GPM6A: variants seen among roughly 807,000 people sequenced by gnomAD.
The protein encoded by GPM6A is glycoprotein M6A.
Under a neutral mutation model 32.1 loss-of-function variants are expected in GPM6A, and 7 were observed. The ratio of observed to expected loss-of-function variants is 0.22; its 90% CI spans 0.12 to 0.41. The LOEUF (loss-of-function observed/expected upper bound fraction) is 0.41. Among genes scored for constraint, GPM6A ranks in the 10% least tolerant of loss-of-function variants. The pLI is 1.00. For synonymous variants in GPM6A, 130 were observed against 123.4 expected (o/e 1.05, Z -0.35); for missense variants, 235 against 347.2 (o/e 0.68, Z 2.57).
At chr4:175,900,621 A>G (rs1737933509) in intron 1 of GPM6A, among the ~76,000 whole-genome samples, 1 of 152,182 alleles carries the variant, frequency 6.6e-6, no homozygotes, top group East Asian at 1.9e-4. Context: ...ATAGGCAATA[A>G]CAAATGCTGG....
intron 1 of GPM6A, among the ~76,000 whole-genome samples, chr4:175,835,001 C>A (rs1735720678): frequency 6.6e-6 from 1 of 152,288 alleles, no homozygotes; most frequent in Non-Finnish European, 1.5e-5. Context: ...ATCTTTTCTC[C>A]AGCTTCTCCT....
intron 2 of GPM6A, among the ~76,000 whole-genome samples, chr4:175,675,890 G>T (rs1031603022): frequency 4.0e-5 from 6 of 151,876 alleles, no homozygotes; most frequent in African/African-American, 1.5e-4. Flanking sequence ...TGAACTCCTG[G>T]GCTCAAAGGG....
rs542328357 is a variant in GPM6A at position 175,843,702 on chromosome 4, G to C, written c.-22-31453C>G. On this transcript the variant is annotated intron_variant, in intron 1 of 7. Transcript: ENST00000280187. The stretch of plus-strand genomic sequence containing the variant: ...TTGAAAATCTTAATTTTTGTACAAG[G>C]GTCCCACATTTTCATTTTATACTGA... Among the ~76,000 whole-genome samples the C allele has an allele frequency of 3.3e-5, 5 of 152,136 alleles. No homozygotes were observed. The South Asian group carries it at 8.3e-4, about 25-fold the overall frequency.
At chr4:175,869,394 A>G (rs182723791) in intron 1 of GPM6A, among the ~76,000 whole-genome samples, 2 of 152,316 alleles carry the variant, frequency 1.3e-5, no homozygotes, top group Admixed American at 1.3e-4. Flanking sequence ...CAAAATAAAA[A>G]GGGAGCACAT....
chr4:175,823,476 C>T (rs1044701030), intron 1 of GPM6A, among the ~76,000 whole-genome samples: 2 of 152,084 alleles, frequency 1.3e-5, no homozygotes, highest in African/African-American at 4.8e-5. Flanking sequence ...AAGAAAAAGA[C>T]AGACAAGGGG....
At chr4:175,782,997 A>G (rs1040810741) in intron 1 of GPM6A, among the ~76,000 whole-genome samples, 1 of 152,028 alleles carries the variant, frequency 6.6e-6, no homozygotes, top group African/African-American at 2.4e-5. Flanking sequence ...GCAATGATGG[A>G]GCAAAACTCA....
At chr4:175,880,950 C>T (rs1255447748) in intron 1 of GPM6A, among the ~76,000 whole-genome samples, 1 of 152,020 alleles carries the variant, frequency 6.6e-6, no homozygotes, top group Non-Finnish European at 1.5e-5. Flanking sequence ...CAGAGGGCAT[C>T]CCCGTCTTGT....
At chr4:175,965,121 C>T (rs375663320) in intron 1 of GPM6A, among the ~76,000 whole-genome samples, 2 of 152,276 alleles carry the variant, frequency 1.3e-5, no homozygotes, top group African/African-American at 4.8e-5. Flanking sequence ...ACCCATTCTT[C>T]TCAATCTCAC....
chr4:175,992,284 T>C (rs1006480595), intron 1 of GPM6A, among the ~76,000 whole-genome samples: 1 of 152,190 alleles, frequency 6.6e-6, no homozygotes, highest in Non-Finnish European at 1.5e-5. Context: ...TTGGTATTTA[T>C]TTTGTTTCCA....
intron 1 of GPM6A, among the ~76,000 whole-genome samples, chr4:175,956,817 G>A (rs1740001706): frequency 6.6e-6 from 1 of 152,142 alleles, no homozygotes; most frequent in Non-Finnish European, 1.5e-5. Flanking sequence ...TTTTTAAATA[G>A]AGTTGGAGAA....
chr4:175,983,173 G>A (rs896828015), intron 1 of GPM6A, among the ~76,000 whole-genome samples: 1 of 152,200 alleles, frequency 6.6e-6, no homozygotes, highest in African/African-American at 2.4e-5. Flanking sequence ...TATGAGGACA[G>A]ATAATCTATA....
At chr4:175,727,912 G>A (rs982842280) in intron 1 of GPM6A, among the ~76,000 whole-genome samples, 1 of 151,004 alleles carries the variant, frequency 6.6e-6, no homozygotes, top group Non-Finnish European at 1.5e-5. Context: ...GCTGAGGCAG[G>A]AGAATTGCTG....
intron 1 of GPM6A, among the ~76,000 whole-genome samples, chr4:175,983,484 C>T (rs546334633): frequency 6.6e-6 from 1 of 152,218 alleles, no homozygotes; most frequent in Non-Finnish European, 1.5e-5. Context: ...AGAAATTTAT[C>T]GTGAATGGAT....
chr4:175,782,484 A>T (rs1733648532), intron 1 of GPM6A, among the ~76,000 whole-genome samples: 1 of 152,112 alleles, frequency 6.6e-6, no homozygotes, highest in African/African-American at 2.4e-5. Context: ...TCCTCCCCTT[A>T]CATATCTCTA....
Position 175,983,810 on chromosome 4 carries a change from C to T in GPM6A, c.-23+18499G>A, listed in dbSNP as rs890715013. On this transcript the variant is annotated intron_variant, in intron 1 of 7. Coordinates refer to the GPM6A transcript ENST00000280187. ...CATAAAATGGGTTGGGAATGATTTT[C>T]GTTATTCTTTCTTTCTGGCAGGTTT... is the stretch of plus-strand genomic sequence containing the variant. 3.9e-5 allele frequency among the ~76,000 whole-genome samples: 6 copies of T among 152,168 alleles called. No individual in the cohort carries two copies. In the South Asian group the frequency reaches 6.2e-4, roughly 16 times the overall value.
intron 1 of GPM6A, among the ~76,000 whole-genome samples, chr4:175,739,526 T>C (rs909711702): frequency 1.3e-5 from 2 of 152,098 alleles, no homozygotes; most frequent in African/African-American, 4.8e-5. Flanking sequence ...TTAAGTGTTG[T>C]TGAAAGTTAC....
At chr4:175,823,340 A>AT (rs1215574194) in intron 1 of GPM6A, among the ~76,000 whole-genome samples, 2 of 152,090 alleles carry the variant, frequency 1.3e-5, no homozygotes, top group African/African-American at 2.4e-5. Context: ...AAAGTGGATG[A>AT]TTTTTTTTGG....
intron 1 of GPM6A, among the ~76,000 whole-genome samples, chr4:175,765,231 T>C (rs748312160): frequency 5.3e-5 from 8 of 152,050 alleles, no homozygotes; most frequent in Non-Finnish European, 7.4e-5. Context: ...AAGTCCATCT[T>C]CAAATCATAT....
intron 1 of GPM6A, among the ~76,000 whole-genome samples, chr4:175,933,667 C>T (rs1739126707): frequency 1.3e-5 from 2 of 152,220 alleles, no homozygotes; most frequent in South Asian, 4.2e-4. Context: ...CTCAGCCTCC[C>T]GAATAGCTGG....
Sources: allele counts gnomAD v4.1 joint callset (sites outside exome capture counted in the v4.1 genomes callset), GRCh38; gene constraint gnomAD v4.1.1; transcripts MANE v1.5; gene names NCBI Gene and HGNC (gene_info 2026-07-23, HGNC 2026-07-21).